The following SRPK2 variants were observed in gnomAD, a reference collection of about 807,000 sequenced individuals.
The protein encoded by SRPK2 is SFRS protein kinase 2.
Under a neutral mutation model 90.8 loss-of-function variants are expected in SRPK2, and 21 were observed. The observed-to-expected ratio is 0.23, with a 90% CI of 0.16 to 0.33. The LOEUF is 0.33. Ranked by LOEUF, SRPK2 falls within the 10% of genes least tolerant of loss-of-function variation. The pLI is 1.00. For missense variants in SRPK2, 620 were observed against 869.0 expected (o/e 0.71, Z 3.60); for synonymous variants, 288 against 311.1 (o/e 0.93, Z 0.78).
At chr7:105,211,135 T>C (rs907942222) in intron 2 of SRPK2, among the ~76,000 whole-genome samples, 3 of 152,166 alleles carry the variant, frequency 2.0e-5, no homozygotes, top group Non-Finnish European at 4.4e-5. Context: ...CTGCTAAGGG[T>C]GCAGTAATTT....
At chr7:105,351,594 G>A (rs557032800) in intron 2 of SRPK2, among the ~76,000 whole-genome samples, 1 of 152,092 alleles carries the variant, frequency 6.6e-6, no homozygotes, top group South Asian at 2.1e-4. Flanking sequence ...CCTGAGGTCA[G>A]GAGTTTAAGA....
chr7:105,165,495 A>G (rs1789923697), intron 6 of SRPK2, among the ~76,000 whole-genome samples: 1 of 152,162 alleles, frequency 6.6e-6, no homozygotes. Flanking sequence ...AAGATTGTAA[A>G]TGCACCAATC....
chr7:105,185,302 T>C (rs1415578148), intron 3 of SRPK2, among the ~76,000 whole-genome samples: 1 of 151,344 alleles, frequency 6.6e-6, no homozygotes, highest in Non-Finnish European at 1.5e-5. Context: ...AAATTCTTAG[T>C]AACTAAAAAA....
At chr7:105,346,008 G>C (rs759434017) in intron 2 of SRPK2, among the ~76,000 whole-genome samples, 1 of 152,098 alleles carries the variant, frequency 6.6e-6, no homozygotes, top group African/African-American at 2.4e-5. Flanking sequence ...CTGCTGACTA[G>C]ACATTAAGAT....
intron 2 of SRPK2, among the ~76,000 whole-genome samples, chr7:105,365,893 G>A (rs1438305186): frequency 6.7e-6 from 1 of 149,170 alleles, no homozygotes; most frequent in Non-Finnish European, 1.5e-5. Flanking sequence ...GTCTCGCTTT[G>A]TTGACAGGCT....
At chr7:105,379,798 G>T (rs1300733868) in intron 2 of SRPK2, among the ~76,000 whole-genome samples, 1 of 152,140 alleles carries the variant, frequency 6.6e-6, no homozygotes, top group Non-Finnish European at 1.5e-5. Context: ...CCAACATGGT[G>T]AAACCTCGTC....
chr7:105,365,182 G>A (rs2132326870), intron 2 of SRPK2, among the ~76,000 whole-genome samples: 1 of 152,144 alleles, frequency 6.6e-6, no homozygotes, highest in South Asian at 2.1e-4. Flanking sequence ...ATCTAATGGG[G>A]CACTTCCATC....
intron 2 of SRPK2, among the ~76,000 whole-genome samples, chr7:105,212,891 G>A (rs1220501612): frequency 1.3e-5 from 2 of 152,068 alleles, no homozygotes; most frequent in African/African-American, 2.4e-5. Flanking sequence ...TACTGAACAT[G>A]TACAGACTCT....
At chr7:105,115,603 C>G (rs1358265120), downstream of SRPK2, 2 of 152,142 alleles carry the variant, frequency 1.3e-5, no homozygotes, top group Non-Finnish European at 2.9e-5. Flanking sequence ...TTTGTGCATT[C>G]TTTATCAACA....
chr7:105,303,068 C>T (rs545046060), intron 2 of SRPK2, among the ~76,000 whole-genome samples: 114 of 151,306 alleles, frequency 7.5e-4, no homozygotes, highest in African/African-American at 2.6e-3. Flanking sequence ...AACAAGACTC[C>T]GTCTCAAAAA....
At chr7:105,170,785 G>GGA (rs1563024392) in intron 3 of SRPK2, among the ~76,000 whole-genome samples, 14 of 49,056 alleles carry the variant, frequency 2.9e-4, no homozygotes, top group Admixed American at 4.2e-4. Context: ...GGAAGGACGG[G>GGA]AGGGAGGGAG....
At chr7:105,206,455 G>T (rs1397888137) in intron 2 of SRPK2, 1 of 161,406 alleles carries the variant, frequency 6.2e-6, no homozygotes, top group East Asian at 1.8e-4. Context: ...TGCAGTCTAA[G>T]TGTGTAGGCA....
At chr7:105,378,877 A>T (rs1284380964) in intron 2 of SRPK2, among the ~76,000 whole-genome samples, 2 of 152,158 alleles carry the variant, frequency 1.3e-5, no homozygotes, top group Non-Finnish European at 2.9e-5. Flanking sequence ...TGACACTGCC[A>T]AGTGTGGGCA....
At chr7:105,328,660 C>A (rs967641118) in intron 2 of SRPK2, among the ~76,000 whole-genome samples, 26 of 150,822 alleles carry the variant, frequency 1.7e-4, no homozygotes, top group African/African-American at 6.1e-4. Context: ...GTCAGGAGAT[C>A]GAGACCATCC....
chr7:105,272,687 C>T (rs747503420), intron 2 of SRPK2, among the ~76,000 whole-genome samples: 1 of 152,102 alleles, frequency 6.6e-6, no homozygotes, highest in Non-Finnish European at 1.5e-5. Context: ...TTGATGATAA[C>T]GGTAACTTAG....
chr7:105,330,567 A>C (rs1293511069), intron 2 of SRPK2, among the ~76,000 whole-genome samples: 1 of 152,092 alleles, frequency 6.6e-6, no homozygotes, highest in African/African-American at 2.4e-5. Context: ...CAAGGAAATT[A>C]ATTTGAAACT....
intron 3 of SRPK2, among the ~76,000 whole-genome samples, chr7:105,201,056 G>C (rs932651420): frequency 1.3e-5 from 2 of 152,160 alleles, no homozygotes; most frequent in African/African-American, 4.8e-5. Flanking sequence ...CACCATATTA[G>C]TAATTTTAGC....
At chr7:105,233,656 C>T (rs568685808) in intron 2 of SRPK2, among the ~76,000 whole-genome samples, 2 of 152,246 alleles carry the variant, frequency 1.3e-5, no homozygotes, top group South Asian at 4.1e-4. Flanking sequence ...GAGTTCAAAA[C>T]CAGCCTGGCC....
chr7:105,182,297 G>A (rs932451081), intron 3 of SRPK2, among the ~76,000 whole-genome samples: 13 of 150,960 alleles, frequency 8.6e-5, no homozygotes, highest in African/African-American at 3.2e-4. Flanking sequence ...AAGCCCTGAC[G>A]TAAAAAAGGA....
Sources: allele counts gnomAD v4.1 joint callset (sites outside exome capture counted in the v4.1 genomes callset), GRCh38; gene constraint gnomAD v4.1.1; transcripts MANE v1.5; gene names NCBI Gene and HGNC (gene_info 2026-07-23, HGNC 2026-07-21).